CLCN6: variants seen among roughly 807,000 people sequenced by gnomAD.
CLCN6 encodes Cl-/H+ antiporter 6, also known as H(+)/Cl(-) exchange transporter 6.
A neutral mutation model predicts 109.8 loss-of-function variants in CLCN6; 70 were observed. The ratio of observed to expected loss-of-function variants is 0.64; its 90% CI spans 0.53 to 0.78. The LOEUF is 0.78. CLCN6 is among the 30% of genes least tolerant of loss of function. The pLI is 0.00. For missense variants in CLCN6, 984 were observed against 1,142.3 expected, an observed-to-expected ratio of 0.86 and a Z score of 2.00; for synonymous variants, 444 against 447.8, an observed-to-expected ratio of 0.99 and a Z score of 0.11.
chr1:11,838,459 CG>C lies in CLCN6; in HGVS notation c.2403+19del. On this transcript the variant is annotated intron_variant, in intron 21 of 22. Transcript: ENST00000346436. ...ATGATCGTGGTGAGAAGGGCTGCCC[CG>C]GCCTGTCCCATGCGGAGCTGCCTCT... The C allele has an allele frequency of 1.2e-6, 2 of 1,613,138 alleles. No homozygotes were observed. Among genetic ancestry groups the C allele is most frequent in the South Asian group, 2.2e-5 (2 of 91,066 alleles).
chr1:11,829,467 G>A (rs1570533794), intron 13 of CLCN6, 145 bp downstream of exon 13: 1 of 989,586 alleles, frequency 1.0e-6, no homozygotes, highest in East Asian at 2.5e-5. Flanking sequence ...ATGGGAATCT[G>A]TAGTCGTCTT....
chr1:11,818,184 A>G (rs886076352), intron 4 of CLCN6, among the ~76,000 whole-genome samples: 2 of 152,318 alleles, frequency 1.3e-5, no homozygotes, highest in Middle Eastern at 3.4e-3. Flanking sequence ...CTCTATAATA[A>G]GCATAGTCCT....
chr1:11,838,994 G>C (rs1056453577), intron 22 of CLCN6: 1 of 672,846 alleles, frequency 1.5e-6, no homozygotes, highest in Non-Finnish European at 2.8e-6. Flanking sequence ...CATTAGATGA[G>C]AGAATTTCAA....
chr1:11,822,891 G>C (rs1444978414), intron 6 of CLCN6, 90 bp downstream of exon 6: 1 of 830,898 alleles, frequency 1.2e-6, no homozygotes, highest in African/African-American at 1.7e-5. Context: ...TCAGGAAACT[G>C]AGAATGCAGA....
intron 5 of CLCN6, among the ~76,000 whole-genome samples, chr1:11,821,207 C>T (rs562895499): frequency 4.6e-4 from 70 of 151,938 alleles, no homozygotes; most frequent in Non-Finnish European, 8.5e-4. Context: ...AAAACAAGTC[C>T]ACAGCCTGAG....
intron 13 of CLCN6, 57 bp downstream of exon 13, chr1:11,829,379 G>A: frequency 1.2e-6 from 2 of 1,600,986 alleles, no homozygotes; most frequent in East Asian, 2.2e-5. Flanking sequence ...ATCCAGAAAT[G>A]TATGACCTTC....
Position 11,836,159 on chromosome 1 carries a change from G to A in CLCN6, c.1980+6G>A. The A allele has an allele frequency of 6.2e-7, 1 of 1,610,966 alleles. No homozygotes were observed. Among genetic ancestry groups the A allele is most frequent in the South Asian group, 1.1e-5 (1 of 90,668 alleles). On this transcript the variant is annotated splice_donor_region_variant and intron_variant, in intron 18 of 22. Coordinates refer to ENST00000346436, the MANE Select transcript of CLCN6 (RefSeq NM_001286.5). ...GCAACAACATCAAGTTCAAGGTAAAGAAAACGGCATGAGAGGAAAGGCAGG... is the reference window on the plus strand; with the variant it reads ...GCAACAACATCAAGTTCAAGGTAAAAAAAACGGCATGAGAGGAAAGGCAGG...
At chr1:11,818,405 A>G (rs1329893927) in intron 4 of CLCN6, among the ~76,000 whole-genome samples, 4 of 152,048 alleles carry the variant, frequency 2.6e-5, no homozygotes, top group African/African-American at 7.3e-5. Context: ...ATGTTTAATC[A>G]GTATAATGTA....
intron 18 of CLCN6, among the ~76,000 whole-genome samples, chr1:11,836,389 C>G (rs1180439161): frequency 6.6e-6 from 1 of 152,194 alleles, no homozygotes; most frequent in African/African-American, 2.4e-5. Context: ...ATCTGTTTTT[C>G]AAGTCAGCAG....
rs574536678 is a variant in CLCN6, at chr1:11,840,651, G to A, written c.*428G>A. ...TGGCCAAGGCAAAAGCTGGGGAGATGCCAGTGACAACATACAGTTCATGAC... is the reference window on the plus strand; with the variant it reads ...TGGCCAAGGCAAAAGCTGGGGAGATACCAGTGACAACATACAGTTCATGAC... On this transcript the variant is annotated 3_prime_UTR_variant, in exon 23 of 23. Coordinates refer to ENST00000346436, the MANE Select transcript of CLCN6 (RefSeq NM_001286.5). 1 of 263,440 alleles carries A rather than the reference G, an allele frequency of 3.8e-6. No homozygotes were observed. Among genetic ancestry groups the A allele is most frequent in the South Asian group, 4.8e-5 (1 of 20,874 alleles). 16.3% of individuals were successfully genotyped at this position (263,440 alleles called of 1,614,324 possible).
intron 9 of CLCN6, 98 bp from the exon 10 acceptor site, chr1:11,826,991 C>A: frequency 6.8e-7 from 1 of 1,468,132 alleles, no homozygotes. Context: ...CCTATTCATT[C>A]ACAGGTGTGA....
At chr1:11,813,421 C>A (rs1644628603) in intron 2 of CLCN6, among the ~76,000 whole-genome samples, 1 of 148,808 alleles carries the variant, frequency 6.7e-6, no homozygotes, top group Admixed American at 6.7e-5. Flanking sequence ...GACCGAGTCT[C>A]ACTCTGTCGC....
In CLCN6 at chr1:11,838,247, A is replaced by C. The variant is rs925822151; in HGVS notation, c.2296-88A>C. ...CTGCCTCAGCAGCCTGGAGCTGGGC[A>C]TATTCAGGCATCAAGGGGAGGGGCT... On this transcript the variant is annotated intron_variant, in intron 20 of 22. Coordinates refer to ENST00000346436, the MANE Select transcript of CLCN6 (RefSeq NM_001286.5). 46 of 1,157,608 alleles carry C rather than the reference A, an allele frequency of 4.0e-5. No individual in the cohort carries two copies. The South Asian group carries it at 4.9e-4, about 12-fold the overall frequency. The allele number at this position is 1,157,608 out of a possible 1,614,324, so 71.7% of individuals were successfully genotyped here.
chr1:11,827,762 A>C (rs1047780497), intron 10 of CLCN6, among the ~76,000 whole-genome samples: 1 of 152,220 alleles, frequency 6.6e-6, no homozygotes, highest in Admixed American at 6.5e-5. Flanking sequence ...GGCTGTTGTC[A>C]TAAAGCAGGA....
chr1:11,830,323 A>G (rs1273341695), intron 13 of CLCN6: 2 of 152,170 alleles, frequency 1.3e-5, no homozygotes, highest in African/African-American at 4.8e-5. Flanking sequence ...TCCTGCATCC[A>G]TGGAATTACG....
In CLCN6 at chr1:11,828,631, G is replaced by A. The variant is rs759253477; in HGVS notation, c.1121+7G>A. 33 of 1,592,766 alleles carry A rather than the reference G, an allele frequency of 2.1e-5. No homozygotes were observed. Among genetic ancestry groups the A allele is most frequent in the Non-Finnish European group, 2.8e-5 (33 of 1,168,820 alleles). The stretch of plus-strand genomic sequence containing the variant: ...CGAAACCTAAGCTCGTCAGGTATCT[G>A]CACAGTCGCCTCCCCCCCGAGCCTG... On this transcript the variant is annotated splice_region_variant and intron_variant, in intron 12 of 22. Coordinates refer to ENST00000346436, the MANE Select transcript of CLCN6 (RefSeq NM_001286.5).
chr1:11,811,961 G>A (rs983600211), intron 2 of CLCN6, among the ~76,000 whole-genome samples: 8 of 152,100 alleles, frequency 5.3e-5, no homozygotes, highest in South Asian at 4.1e-4. Context: ...CACCACTCGC[G>A]GAACACTGCT....
rs1299044911 is a variant in CLCN6 at position 11,816,628 on chromosome 1, A to G, written c.227A>G (p.Tyr76Cys). The G allele has an allele frequency of 2.5e-6, 4 of 1,613,144 alleles. No individual in the cohort carries two copies. Among genetic ancestry groups the G allele is most frequent in the African/African-American group, 2.7e-5 (2 of 75,022 alleles). ...CTGTGTGAACAGAAAGGTCGAAGAT[A>G]TGAGGCGGTGAAGTGGATGGTGGTG... ...ETMDNKKGRRYEAVKWMVVFA... is the reference protein window; with the variant it reads ...ETMDNKKGRRCEAVKWMVVFA... Residue 76 changes from tyrosine to cysteine, a missense_variant, in exon 4 of 23, where the codon TAT becomes TGT. Physicochemically the swap from Tyr to Cys is radical, Grantham distance 194. Transcript: ENST00000346436.
intron 5 of CLCN6, among the ~76,000 whole-genome samples, chr1:11,822,001 A>G (rs1011018031): frequency 6.6e-6 from 1 of 152,266 alleles, no homozygotes; most frequent in Non-Finnish European, 1.5e-5. Flanking sequence ...GCCGTGTACA[A>G]CAGTGTGGAC....
Sources: allele counts gnomAD v4.1 joint callset (sites outside exome capture counted in the v4.1 genomes callset), GRCh38; gene constraint gnomAD v4.1.1; transcripts MANE v1.5; gene names NCBI Gene and HGNC (gene_info 2026-07-23, HGNC 2026-07-21).